The following DLGAP3 variants were observed in gnomAD, a reference collection of about 807,000 sequenced individuals.
DLGAP3 encodes disks large-associated protein 3.
DLGAP3 carries 17 observed loss-of-function variants against 81.2 expected under a neutral mutation model. The observed-to-expected ratio is 0.21, with a 90% CI of 0.14 to 0.31. DLGAP3 has a LOEUF of 0.31. Among genes scored for constraint, DLGAP3 ranks in the 10% least tolerant of loss-of-function variants. The probability of loss-of-function intolerance (pLI) is 1.00; values close to 1 mark genes in which losing one functional copy is unlikely to be tolerated. For synonymous variants in DLGAP3, 577 were observed against 587.4 expected (o/e 0.98, Z 0.26); for missense variants, 1,124 against 1,388.0 (o/e 0.81, Z 3.02).
rs572319507 is a variant in DLGAP3 at position 34,921,183 on chromosome 1, T to A, written c.-135+8268A>T. On this transcript the variant is annotated intron_variant, in intron 1 of 11. Transcript: ENST00000373347. Reference sequence around the variant, plus strand: ...GGCTTTGCACACGTAGCACTCACGTTGCTCAGGACGCACTACACTTTGGAT... The same window carrying A: ...GGCTTTGCACACGTAGCACTCACGTAGCTCAGGACGCACTACACTTTGGAT... Among the ~76,000 whole-genome samples the A allele has an allele frequency of 2.6e-5, 4 of 152,312 alleles. No individual in the cohort carries two copies. In the East Asian group the frequency reaches 5.8e-4, roughly 22 times the overall value.
At chr1:34,876,014 T>G (rs1639044984) in intron 8 of DLGAP3, among the ~76,000 whole-genome samples, 1 of 152,270 alleles carries the variant, frequency 6.6e-6, no homozygotes. Flanking sequence ...TTAATGAGAT[T>G]CTTAGATTAA....
rs773803655 is a variant in DLGAP3, at chr1:34,866,261, A to G, written c.2762T>C (p.Leu921Pro). 3.9e-6 allele frequency: 6 copies of G among 1,556,188 alleles called. No homozygotes were observed. The highest frequency in any genetic ancestry group is 5.2e-6 in the Non-Finnish European group (6 of 1,152,838). ...CTTCACCGGCACGCCCCGGCCCCGC[A>G]GGGGCTTCTTTGGTATCGGCGGAGG... ...KVPPPIPKKP[L>P]RGRGVPVKER... The change falls in exon 12 of 12, where the codon CTG becomes CCG. Residue 921 changes from leucine to proline, a missense_variant. Coordinates refer to ENST00000373347, the MANE Select transcript of DLGAP3 (RefSeq NM_001080418.3).
Position 34,868,757 on chromosome 1 carries a change from C to T in DLGAP3, c.2333G>A (p.Gly778Asp). The T allele has an allele frequency of 1.2e-6, 2 of 1,606,372 alleles. No individual in the cohort carries two copies. The highest frequency in any genetic ancestry group is 1.7e-6 in the Non-Finnish European group (2 of 1,179,636). ...GCCTGAGTCGGGGAGGCTACGTGAA[C>T]CGCGCTCTATCCAGGAGTCACGGCG... ...AGRRDSWIERGSRSLPDSGRA... is the reference protein window; with the variant it reads ...AGRRDSWIERDSRSLPDSGRA... Residue 778 changes from glycine (G) to aspartate (D), a missense_variant, in exon 9 of 12, where the codon GGT becomes GAT. Physicochemically the swap from Gly to Asp is moderately conservative, Grantham distance 94 (BLOSUM62 -1). Coordinates refer to ENST00000373347, the MANE Select transcript of DLGAP3 (RefSeq NM_001080418.3). The surrounding 1 kb of genome is among the most constrained non-coding windows in gnomAD (Gnocchi z 7.5).
chr1:34,928,998 A>T (rs1639914775), intron 1 of DLGAP3, among the ~76,000 whole-genome samples: 1 of 151,626 alleles, frequency 6.6e-6, no homozygotes, highest in Non-Finnish European at 1.5e-5. Flanking sequence ...CGGCACACAC[A>T]ATCGCCCACA....
At chr1:34,881,865 T>C (rs1639150649) in intron 8 of DLGAP3, among the ~76,000 whole-genome samples, 1 of 152,196 alleles carries the variant, frequency 6.6e-6, no homozygotes, top group Admixed American at 6.5e-5. Flanking sequence ...AATAAGATGC[T>C]TATCCAACTA....
chr1:34,876,025 C>T (rs1639051447), intron 8 of DLGAP3, among the ~76,000 whole-genome samples: 1 of 152,260 alleles, frequency 6.6e-6, no homozygotes, highest in Non-Finnish European at 1.5e-5. Context: ...CTTAGATTAA[C>T]TTCGTGGTAA....
Position 34,867,895 on chromosome 1 carries a change from G to A in DLGAP3, c.2486-268C>T, listed in dbSNP as rs185724873. Among the ~76,000 whole-genome samples the A allele has an allele frequency of 3.0e-3, 458 of 151,910 alleles. 1 individual carries two copies. The highest frequency in any genetic ancestry group is 5.6e-3 in the Non-Finnish European group (378 of 67,958). The stretch of plus-strand genomic sequence containing the variant: ...TCCTTCTTTATCCTTTCTCCCTCCC[G>A]TATCAGAGAACAGACGGAAACCAGC... On this transcript the variant is annotated intron_variant, in intron 9 of 11. Transcript: ENST00000373347. This position sits in a 1 kb window ranked among gnomAD's most constrained non-coding sequence, Gnocchi z 4.3.
chr1:34,927,109 G>A (rs962061390), intron 1 of DLGAP3, among the ~76,000 whole-genome samples: 8 of 152,186 alleles, frequency 5.3e-5, no homozygotes, highest in Non-Finnish European at 1.0e-4. Flanking sequence ...GGCCTACCTC[G>A]GTGGTGGGTG....
At chr1:34,897,998 G>T (rs1476704400) in intron 5 of DLGAP3, among the ~76,000 whole-genome samples, 1 of 152,196 alleles carries the variant, frequency 6.6e-6, no homozygotes, top group Admixed American at 6.5e-5. Context: ...GCAGCCAGGG[G>T]CGGGAGGGGA....
chr1:34,904,585 A>G lies in DLGAP3; in HGVS notation c.799T>C (p.Leu267=). The change falls in exon 3 of 12, where the codon TTG becomes CTG. Residue 267 remains leucine (L), a synonymous_variant. Coordinates refer to ENST00000373347, the MANE Select transcript of DLGAP3 (RefSeq NM_001080418.3). The surrounding 1 kb of genome is among the most constrained non-coding windows in gnomAD (Gnocchi z 8.1). ...STGWWSSDDN[L]DSDSGFLAGG... is the part of the protein sequence containing the mutation. Reference sequence around the variant, plus strand: ...GCCAGGAAGCCGCTATCACTGTCCAAGTTGTCATCGGAACTCCACCAGCCT... The same window carrying G: ...GCCAGGAAGCCGCTATCACTGTCCAGGTTGTCATCGGAACTCCACCAGCCT... The G allele has an allele frequency of 6.2e-7, 1 of 1,614,160 alleles. No homozygotes were observed. Among genetic ancestry groups the G allele is most frequent in the Non-Finnish European group, 8.5e-7 (1 of 1,180,006 alleles).
chr1:34,870,021 G>C (rs1445381349), intron 8 of DLGAP3, among the ~76,000 whole-genome samples: 1 of 152,196 alleles, frequency 6.6e-6, no homozygotes, highest in Non-Finnish European at 1.5e-5. Flanking sequence ...CTGCAGCTGG[G>C]AGGACTTCTC....
At chr1:34,881,511 G>A (rs969547763) in intron 8 of DLGAP3, among the ~76,000 whole-genome samples, 18 of 152,232 alleles carry the variant, frequency 1.2e-4, no homozygotes, top group African/African-American at 4.3e-4. Context: ...GACTGGGGGA[G>A]CTTGAACTTA....
chr1:34,866,447 C>A, intron 11 of DLGAP3, 146 bp from the exon 12 acceptor site: 1 of 693,980 alleles, frequency 1.4e-6, no homozygotes, highest in Non-Finnish European at 2.3e-6. Flanking sequence ...ATCCCGTGAC[C>A]TGAAGCCCCA....
In DLGAP3 at chr1:34,873,415, G is replaced by T. The variant is rs775773893; in HGVS notation, c.2001-4326C>A. Among the ~76,000 whole-genome samples, 4 of 152,216 alleles carry T rather than the reference G, an allele frequency of 2.6e-5. No individual in the cohort carries two copies. The highest frequency in any genetic ancestry group is 2.1e-4 in the South Asian group (1 of 4,818). ...TTAGGCCCGTGTGCTCTGGAGCCTTGCCCGGGTCCAAAACCCAGCTCGGTG... is the reference window on the plus strand; with the variant it reads ...TTAGGCCCGTGTGCTCTGGAGCCTTTCCCGGGTCCAAAACCCAGCTCGGTG... On this transcript the variant is annotated intron_variant, in intron 8 of 11. Coordinates refer to ENST00000373347, the MANE Select transcript of DLGAP3 (RefSeq NM_001080418.3). The surrounding 1 kb of genome is among the most constrained non-coding windows in gnomAD (Gnocchi z 4.2).
chr1:34,928,736 C>T (rs938093971), intron 1 of DLGAP3, among the ~76,000 whole-genome samples: 3 of 150,518 alleles, frequency 2.0e-5, no homozygotes, highest in Non-Finnish European at 4.4e-5. Flanking sequence ...CACACGCACA[C>T]ACACACACAC....
chr1:34,866,332 G>T, intron 11 of DLGAP3, 31 bp from the exon 12 acceptor site: 2 of 1,477,574 alleles, frequency 1.4e-6, no homozygotes, highest in East Asian at 2.5e-5. Context: ...CTGAGCTGGG[G>T]CGCCGAACCA....
At chr1:34,887,141 G>C (rs997712374) in intron 5 of DLGAP3, among the ~76,000 whole-genome samples, 1 of 151,642 alleles carries the variant, frequency 6.6e-6, no homozygotes, top group Non-Finnish European at 1.5e-5. Flanking sequence ...ATTTCTAGTA[G>C]AGACAGGATT....
At chr1:34,928,041 T>C (rs538161542) in intron 1 of DLGAP3, among the ~76,000 whole-genome samples, 1 of 152,378 alleles carries the variant, frequency 6.6e-6, no homozygotes, top group East Asian at 1.9e-4. Flanking sequence ...CAGTTGCATA[T>C]GGCTTAACGT....
chr1:34,911,022 A>ACC (rs58074971), intron 1 of DLGAP3, among the ~76,000 whole-genome samples: 9,152 of 130,972 alleles, frequency 0.07, 570 homozygotes, highest in African/African-American at 0.16. Context: ...GATATTATCC[A>ACC]CCCCCCCCCC....
Sources: allele counts gnomAD v4.1 joint callset (sites outside exome capture counted in the v4.1 genomes callset), GRCh38; gene constraint gnomAD v4.1.1; non-coding constraint Gnocchi (gnomAD v3.1); transcripts MANE v1.5; gene names NCBI Gene and HGNC (gene_info 2026-07-23, HGNC 2026-07-21).